Variants in NEGR1 observed in about 807,000 individuals in gnomAD.
The protein encoded by NEGR1 is neuronal growth regulator 1.
In NEGR1, 10 loss-of-function variants were observed where a neutral mutation model predicts 40.9. The ratio of observed to expected loss-of-function variants is 0.24; its 90% confidence interval spans 0.15 to 0.42. The LOEUF (loss-of-function observed/expected upper bound fraction) is 0.42, where lower values mean the gene tolerates loss of function less well. Among genes scored for constraint, NEGR1 ranks in the 10% least tolerant of loss-of-function variants. The probability of loss-of-function intolerance (pLI) is 1.00; values close to 1 mark genes in which losing one functional copy is unlikely to be tolerated. For missense variants in NEGR1, 352 were observed against 438.9 expected, an observed-to-expected ratio of 0.80 and a Z score of 1.77; for synonymous variants, 185 against 166.8, an observed-to-expected ratio of 1.11 and a Z score of -0.84.
intron 1 of NEGR1, among the ~76,000 whole-genome samples, chr1:72,002,082 T>G (rs1424672375): frequency 6.6e-6 from 1 of 152,008 alleles, no homozygotes; most frequent in African/African-American, 2.4e-5. Context: ...CTTCTCAGAG[T>G]TTAATATCCG....
intron 1 of NEGR1, among the ~76,000 whole-genome samples, chr1:72,163,189 T>C (rs911707174): frequency 6.6e-6 from 1 of 152,144 alleles, no homozygotes; most frequent in Non-Finnish European, 1.5e-5. Context: ...CCGAATTTAA[T>C]TATGCTATTT....
At chr1:72,086,329 G>A (rs747073006) in intron 1 of NEGR1, among the ~76,000 whole-genome samples, 3 of 152,146 alleles carry the variant, frequency 2.0e-5, no homozygotes, top group Admixed American at 6.5e-5. Context: ...TTGTAAGGAC[G>A]TACATGGCAT....
At chr1:72,162,288 C>CAAAAAAAAAAA (rs1188135989) in intron 1 of NEGR1, among the ~76,000 whole-genome samples, 351 of 25,188 alleles carry the variant, frequency 0.014, 1 homozygote, top group African/African-American at 0.016. Flanking sequence ...CCTGCCTCTA[C>CAAAAAAAAAAA]TAAAAAAAAA....
chr1:71,703,936 T>C (rs1653796223), intron 3 of NEGR1, among the ~76,000 whole-genome samples: 1 of 151,630 alleles, frequency 6.6e-6, no homozygotes, highest in Non-Finnish European at 1.5e-5. Context: ...AAAAAGCAAA[T>C]ATAAGAGGTT....
chr1:71,746,412 C>A (rs572095884), intron 3 of NEGR1, among the ~76,000 whole-genome samples: 123 of 152,290 alleles, frequency 8.1e-4, no homozygotes, highest in African/African-American at 2.8e-3. Flanking sequence ...TTCAGCAAAT[C>A]TGAAATACTC....
chr1:71,946,555 C>A (rs1306621595), intron 1 of NEGR1, among the ~76,000 whole-genome samples: 2 of 152,092 alleles, frequency 1.3e-5, no homozygotes, highest in East Asian at 3.9e-4. Context: ...TGAACAAACT[C>A]TACTTTAAAA....
intron 2 of NEGR1, among the ~76,000 whole-genome samples, chr1:71,857,845 C>A (rs1407975982): frequency 6.6e-6 from 1 of 151,800 alleles, no homozygotes; most frequent in African/African-American, 2.4e-5. Context: ...TCTATACAAC[C>A]CTACAATTTC....
At chr1:71,908,269 T>C (rs1232195489) in intron 2 of NEGR1, among the ~76,000 whole-genome samples, 1 of 152,016 alleles carries the variant, frequency 6.6e-6, no homozygotes, top group African/African-American at 2.4e-5. Context: ...GAATGTTCTA[T>C]ACAACATTTT....
chr1:71,725,881 T>C (rs1654656614), intron 3 of NEGR1, among the ~76,000 whole-genome samples: 1 of 152,124 alleles, frequency 6.6e-6, no homozygotes. Context: ...GATAGAAGAA[T>C]TGACTTTATC....
intron 2 of NEGR1, among the ~76,000 whole-genome samples, chr1:71,783,293 C>T (rs867405481): frequency 1.3e-5 from 2 of 152,000 alleles, no homozygotes; most frequent in African/African-American, 4.8e-5. Flanking sequence ...ATTGGCCTGC[C>T]CCCAAAAAGT....
intron 5 of NEGR1, among the ~76,000 whole-genome samples, chr1:71,595,201 G>A (rs1298392409): frequency 6.6e-6 from 1 of 152,192 alleles, no homozygotes; most frequent in Non-Finnish European, 1.5e-5. Context: ...AGTACCGTGT[G>A]CATCCTTACC....
intron 1 of NEGR1, among the ~76,000 whole-genome samples, chr1:72,104,508 A>G (rs1649059725): frequency 6.6e-6 from 1 of 152,134 alleles, no homozygotes. Context: ...CTGAAGGAAT[A>G]TGGTCCTTTG....
intron 1 of NEGR1, among the ~76,000 whole-genome samples, chr1:72,064,222 A>G (rs1353659509): frequency 2.6e-5 from 4 of 151,922 alleles, no homozygotes; most frequent in Middle Eastern, 3.2e-3. Flanking sequence ...CACAAATCAT[A>G]TTGCCTTTCC....
chr1:72,087,642 G>A (rs758860644), intron 1 of NEGR1, among the ~76,000 whole-genome samples: 4 of 151,002 alleles, frequency 2.6e-5, no homozygotes, highest in Non-Finnish European at 5.9e-5. Flanking sequence ...TATTTACTGA[G>A]ACAAGATCCC....
intron 1 of NEGR1, among the ~76,000 whole-genome samples, chr1:72,042,795 T>G (rs1646967645): frequency 6.6e-6 from 1 of 152,000 alleles, no homozygotes; most frequent in African/African-American, 2.4e-5. Context: ...TATAGATGAT[T>G]TCTGACTAAA....
intron 1 of NEGR1, among the ~76,000 whole-genome samples, chr1:72,051,370 A>G (rs1398344175): frequency 6.6e-6 from 1 of 151,552 alleles, no homozygotes; most frequent in Non-Finnish European, 1.5e-5. Context: ...TACATTGTGA[A>G]GCAAAAAGAA....
intron 1 of NEGR1, among the ~76,000 whole-genome samples, chr1:71,999,202 C>G (rs1000659196): frequency 1.3e-5 from 2 of 151,824 alleles, no homozygotes; most frequent in Non-Finnish European, 2.9e-5. Flanking sequence ...TAAGAATGCC[C>G]ACTCCAGGCT....
At chr1:71,906,098 C>T (rs1232611878) in intron 2 of NEGR1, among the ~76,000 whole-genome samples, 5 of 152,060 alleles carry the variant, frequency 3.3e-5, no homozygotes, top group African/African-American at 9.7e-5. Flanking sequence ...TGATAAAGCC[C>T]CCTACTCATG....
At chr1:71,705,111 T>A (rs1653843216) in intron 3 of NEGR1, among the ~76,000 whole-genome samples, 1 of 152,146 alleles carries the variant, frequency 6.6e-6, no homozygotes, top group East Asian at 1.9e-4. Flanking sequence ...ATTATCTCAA[T>A]CTGCCAAAGA....
Sources: gnomAD v4.1 joint callset for allele counts (sites outside exome capture counted in the v4.1 genomes callset) on GRCh38, gnomAD v4.1.1 for gene constraint, MANE v1.5 for transcripts, NCBI Gene and HGNC (gene_info 2026-07-23, HGNC 2026-07-21) for gene names.